SPECC1: variants seen among roughly 807,000 people sequenced by gnomAD.
SPECC1 encodes the protein cytospin-B.
Under a neutral mutation model 104.1 loss-of-function variants are expected in SPECC1, and 62 were observed. The observed-to-expected ratio is 0.60, with a 90% CI of 0.49 to 0.74. The LOEUF is 0.74. Among genes scored for constraint, SPECC1 ranks in the 30% least tolerant of loss-of-function variants. The pLI is 0.00. For synonymous variants in SPECC1, 513 were observed against 501.6 expected, an observed-to-expected ratio of 1.02 and a Z score of -0.30; for missense variants, 1,306 against 1,310.5, an observed-to-expected ratio of 1.00 and a Z score of 0.05.
intron 1 of SPECC1, among the ~76,000 whole-genome samples, chr17:20,018,271 T>C (rs920367533): frequency 6.6e-6 from 1 of 152,240 alleles, no homozygotes; most frequent in African/African-American, 2.4e-5. Flanking sequence ...TTCAGAAATT[T>C]CCTAGACATT....
chr17:20,240,819 T>A (rs377321006), intron 7 of SPECC1, among the ~76,000 whole-genome samples: 6 of 152,378 alleles, frequency 3.9e-5, no homozygotes, highest in African/African-American at 1.4e-4. Flanking sequence ...TCATTTAAAA[T>A]TTTTATTTTA....
At chr17:20,231,926 G>T (rs1038037379) in intron 6 of SPECC1, 95 bp downstream of exon 6, 2 of 1,319,870 alleles carry the variant, frequency 1.5e-6, no homozygotes, top group African/African-American at 1.5e-5. Flanking sequence ...CTCTTGGAAC[G>T]TTTCCACGGC....
intron 3 of SPECC1, among the ~76,000 whole-genome samples, chr17:20,185,367 T>A (rs1226897120): frequency 6.6e-6 from 1 of 152,236 alleles, no homozygotes; most frequent in African/African-American, 2.4e-5. Flanking sequence ...CCCCTCTTGT[T>A]TGCGGGGGCA....
intron 1 of SPECC1, among the ~76,000 whole-genome samples, chr17:20,030,461 C>T (rs865862373): frequency 6.6e-6 from 1 of 151,688 alleles, no homozygotes; most frequent in Admixed American, 6.6e-5. Flanking sequence ...TATTACTTTA[C>T]TATCTGTAGT....
chr17:20,303,874 AC>A (rs1482064913), intron 13 of SPECC1, among the ~76,000 whole-genome samples: 2 of 151,584 alleles, frequency 1.3e-5, no homozygotes, highest in Non-Finnish European at 2.9e-5. Flanking sequence ...AACTGGTTGA[AC>A]CCAAGAGGCA....
At chr17:20,313,892 C>A in intron 14 of SPECC1, 84 bp from the exon 15 acceptor site, 3 of 1,280,720 alleles carry the variant, frequency 2.3e-6, no homozygotes, top group Non-Finnish European at 3.3e-6. Flanking sequence ...GCAGTGTAAG[C>A]CCTAACCTGG....
intron 3 of SPECC1, among the ~76,000 whole-genome samples, chr17:20,111,022 G>A (rs536386277): frequency 2.6e-5 from 4 of 152,250 alleles, no homozygotes; most frequent in African/African-American, 4.8e-5. Flanking sequence ...TGGCTTGGAC[G>A]GCAGTGGCAA....
chr17:20,304,916 G>C (rs1169656005), intron 13 of SPECC1, among the ~76,000 whole-genome samples: 2 of 151,990 alleles, frequency 1.3e-5, no homozygotes, highest in Non-Finnish European at 2.9e-5. Context: ...TGGGCAAGAG[G>C]CCAGATGAGA....
Position 20,318,623 on chromosome 17 carries a change from A to C in SPECC1, c.*4558A>C. On this transcript the variant is annotated 3_prime_UTR_variant, in exon 15 of 15. Coordinates refer to ENST00000395527, the MANE Select transcript of SPECC1 (RefSeq NM_001243439.2). ...CCCATAGATGCAGACCCCCTACCAA[A>C]TCTAGCAATAGTTCTCACCCTTCCA... 1 of 227,218 alleles carries C rather than the reference A, an allele frequency of 4.4e-6. No individual in the cohort carries two copies. The highest frequency in any genetic ancestry group is 2.2e-5 in the African/African-American group (1 of 45,026). The allele number at this position is 227,218 out of a possible 1,614,324, so 14.1% of individuals were successfully genotyped here.
At chr17:20,040,164 T>TAC (rs1196347325) in intron 1 of SPECC1, among the ~76,000 whole-genome samples, 2 of 150,442 alleles carry the variant, frequency 1.3e-5, no homozygotes, top group African/African-American at 4.9e-5. Context: ...TATATATATA[T>TAC]ACACACACAT....
At chr17:20,309,683 G>A (rs1329499967) in intron 14 of SPECC1, among the ~76,000 whole-genome samples, 1 of 152,126 alleles carries the variant, frequency 6.6e-6, no homozygotes, top group Non-Finnish European at 1.5e-5. Flanking sequence ...GTTTGCTGAG[G>A]ATAATGGCCC....
At chr17:20,217,868 C>T (rs2037604211) in intron 4 of SPECC1, among the ~76,000 whole-genome samples, 3 of 151,694 alleles carry the variant, frequency 2.0e-5, no homozygotes, top group Non-Finnish European at 2.9e-5. Flanking sequence ...CAAGACCCCA[C>T]CTATAAAAAA....
intron 2 of SPECC1, among the ~76,000 whole-genome samples, chr17:20,102,353 G>A (rs139487201): frequency 2.6e-5 from 4 of 152,158 alleles, no homozygotes; most frequent in South Asian, 2.1e-4. Context: ...GGAATTCCTC[G>A]TGGAAGGTGC....
intron 12 of SPECC1, among the ~76,000 whole-genome samples, chr17:20,270,450 A>C (rs1195415527): frequency 1.4e-5 from 2 of 145,390 alleles, no homozygotes; most frequent in African/African-American, 2.6e-5. Context: ...AAAAAAAAAA[A>C]AAAAAAAAAA....
Position 20,009,534 on chromosome 17 carries a change from G to A in SPECC1, c.-22+110G>A, listed in dbSNP as rs2152423715. On this transcript the variant is annotated intron_variant, in intron 1 of 14. Transcript: ENST00000395527. The surrounding 1 kb of genome is among the most constrained non-coding windows in gnomAD (Gnocchi z 5.2). Reference sequence around the variant, plus strand: ...CGCGGGGGTCCGGCAGTCCGTCGTGGGGGCACGGGACTGCCTTTCTGGGAA... The same window carrying A: ...CGCGGGGGTCCGGCAGTCCGTCGTGAGGGCACGGGACTGCCTTTCTGGGAA... 6.6e-6 allele frequency: 1 copy of A among 152,234 alleles called. No homozygotes were observed. Among genetic ancestry groups the A allele is most frequent in the East Asian group, 1.9e-4 (1 of 5,160 alleles). 9.4% of individuals were successfully genotyped at this position (152,234 alleles called of 1,614,324 possible). A position where few individuals can be genotyped will look rare whatever the true frequency, so the allele number is the denominator to read the frequency against.
chr17:20,129,873 C>T (rs575270755), intron 3 of SPECC1, among the ~76,000 whole-genome samples: 1 of 152,280 alleles, frequency 6.6e-6, no homozygotes, highest in African/African-American at 2.4e-5. Context: ...CCTGCCTCAG[C>T]CTCCCAAGAA....
At chr17:20,088,068 G>A (rs2047246734) in intron 1 of SPECC1, among the ~76,000 whole-genome samples, 1 of 152,056 alleles carries the variant, frequency 6.6e-6, no homozygotes, top group African/African-American at 2.4e-5. Context: ...GAAGCACAGT[G>A]AGCAGGGGAG....
chr17:20,099,694 C>CA (rs768172798), intron 2 of SPECC1, among the ~76,000 whole-genome samples: 3,062 of 17,414 alleles, frequency 0.18, 467 homozygotes, highest in Non-Finnish European at 0.28. Flanking sequence ...CACTCTATCT[C>CA]AAAAAAAAAA....
At chr17:20,277,871 C>T (rs57110692) in intron 12 of SPECC1, among the ~76,000 whole-genome samples, 37,914 of 152,146 alleles carry the variant, frequency 0.25, 5,940 homozygotes, top group African/African-American at 0.45. Context: ...GCACAGCGTC[C>T]TCAGGCCCAC....
Sources: allele counts gnomAD v4.1 joint callset (sites outside exome capture counted in the v4.1 genomes callset), GRCh38; gene constraint gnomAD v4.1.1; non-coding constraint Gnocchi (gnomAD v3.1); transcripts MANE v1.5; gene names NCBI Gene and HGNC (gene_info 2026-07-23, HGNC 2026-07-21).